Variants in UVRAG observed in about 807,000 individuals in gnomAD.
UVRAG encodes the protein UV radiation resistance-associated gene protein.
Under a neutral mutation model 78.0 loss-of-function variants are expected in UVRAG, and 19 were observed. The observed-to-expected ratio is 0.24, with a 90% confidence interval of 0.17 to 0.36. The LOEUF (loss-of-function observed/expected upper bound fraction) is 0.36. Ranked by LOEUF, UVRAG falls within the 10% of genes least tolerant of loss-of-function variation. The pLI, the probability that UVRAG is intolerant of heterozygous loss-of-function variation, is 1.00. For missense variants in UVRAG, 740 were observed against 853.8 expected, an observed-to-expected ratio of 0.87 and a Z score of 1.66; for synonymous variants, 323 against 324.6, an observed-to-expected ratio of 1.00 and a Z score of 0.05.
chr11:76,109,000 A>G (rs1008154597), intron 13 of UVRAG, among the ~76,000 whole-genome samples: 1 of 152,194 alleles, frequency 6.6e-6, no homozygotes, highest in African/African-American at 2.4e-5. Context: ...ATTGAAACCA[A>G]AATTCCACTT....
At chr11:75,894,647 GTCC>G (rs1947300394) in intron 5 of UVRAG, among the ~76,000 whole-genome samples, 2 of 151,680 alleles carry the variant, frequency 1.3e-5, no homozygotes, top group African/African-American at 4.8e-5. Context: ...CAAGTGATCC[GTCC>G]TCCTCAGCCT....
intron 1 of UVRAG, among the ~76,000 whole-genome samples, chr11:75,833,063 A>G (rs559962513): frequency 2.6e-5 from 4 of 152,152 alleles, no homozygotes; most frequent in Non-Finnish European, 4.4e-5. Flanking sequence ...GAATTTGGAC[A>G]TTATCCTGTA....
intron 13 of UVRAG, among the ~76,000 whole-genome samples, chr11:76,104,911 G>A (rs527684960): frequency 6.6e-6 from 1 of 152,054 alleles, no homozygotes; most frequent in Non-Finnish European, 1.5e-5. Context: ...AAGAATCCCT[G>A]CACTTATAAT....
At chr11:75,818,306 G>T (rs1050462591) in intron 1 of UVRAG, among the ~76,000 whole-genome samples, 6 of 151,932 alleles carry the variant, frequency 3.9e-5, no homozygotes, top group African/African-American at 1.5e-4. Context: ...GAGAGTCATG[G>T]AGTATCTGTG....
chr11:76,115,985 A>G lies in UVRAG; in HGVS notation c.1367A>G (p.Asn456Ser), dbSNP rs762191593. 9.3e-6 allele frequency: 15 copies of G among 1,613,724 alleles called. No individual in the cohort carries two copies. In the African/African-American group the frequency reaches 2.0e-4, roughly 22 times the overall value. The change falls in exon 14 of 15, where the codon AAC becomes AGC. Residue 456 changes from asparagine (N) to serine (S), a missense_variant. By Grantham distance (46) the Asn-to-Ser change is conservative. Coordinates refer to ENST00000356136, the MANE Select transcript of UVRAG (RefSeq NM_003369.4). ...CGGCAAACCCTTCCCAACCTGAAAA[A>G]CTTCATGGAGCATGGACTAATGGTC... ...DLRQTLPNLK[N>S]FMEHGLMVRC...
At chr11:76,131,332 A>C (rs1952509760) in intron 14 of UVRAG, among the ~76,000 whole-genome samples, 1 of 152,196 alleles carries the variant, frequency 6.6e-6, no homozygotes, top group Non-Finnish European at 1.5e-5. Context: ...GCTGGCCTCC[A>C]GATGGGCTCT....
At chr11:75,827,056 A>G (rs192876445) in intron 1 of UVRAG, among the ~76,000 whole-genome samples, 1 of 152,270 alleles carries the variant, frequency 6.6e-6, no homozygotes, top group Non-Finnish European at 1.5e-5. Context: ...GAAAATAATG[A>G]GGAACACCAG....
intron 13 of UVRAG, among the ~76,000 whole-genome samples, chr11:76,108,558 G>A (rs1459116650): frequency 6.6e-6 from 1 of 152,126 alleles, no homozygotes; most frequent in Non-Finnish European, 1.5e-5. Flanking sequence ...ACACAAAGTG[G>A]ATGTATAGTG....
chr11:76,141,132 G>T lies in UVRAG; in HGVS notation c.1819G>T (p.Gly607Trp), dbSNP rs755081537. 6.2e-7 allele frequency: 1 copy of T among 1,614,002 alleles called. No homozygotes were observed. Among genetic ancestry groups the T allele is most frequent in the African/African-American group, 1.3e-5 (1 of 74,918 alleles). The change falls in exon 15 of 15, where the codon GGG (glycine) becomes TGG (tryptophan). Residue 607 changes from glycine (G) to tryptophan (W), a missense_variant. Coordinates refer to ENST00000356136, the MANE Select transcript of UVRAG (RefSeq NM_003369.4). ...NGTLLPSEQA[G>W]SASVQLPGEF... is the part of the protein sequence containing the mutation. ...CACTCTCCTACCCAGCGAGCAGGCC[G>T]GGTCCGCCAGTGTCCAGCTTCCAGG...
rs139520450 is a variant in UVRAG at position 75,825,303 on chromosome 11, G to A, written c.117+9779G>A. On this transcript the variant is annotated intron_variant, in intron 1 of 14. Transcript: ENST00000356136. Reference sequence around the variant, plus strand: ...TAATTTTTGTATTTTTAGTAGAGACGGGTTTCACCACATTGGCCAGACTGA... The same window carrying A: ...TAATTTTTGTATTTTTAGTAGAGACAGGTTTCACCACATTGGCCAGACTGA... Among the ~76,000 whole-genome samples, 1,468 of 151,790 alleles carry A rather than the reference G, an allele frequency of 9.7e-3. 28 individuals carry two copies. Among genetic ancestry groups the A allele is most frequent in the African/African-American group, 0.034 (1,414 of 41,370 alleles).
intron 2 of UVRAG, among the ~76,000 whole-genome samples, chr11:75,853,671 A>G (rs1946212546): frequency 1.3e-5 from 2 of 151,686 alleles, no homozygotes; most frequent in Non-Finnish European, 2.9e-5. Context: ...TAAGGATGGG[A>G]AAAGGACTCT....
chr11:75,892,250 C>T (rs1332427618), intron 5 of UVRAG: 18 of 832,038 alleles, frequency 2.2e-5, no homozygotes, highest in Non-Finnish European at 2.6e-5. Context: ...TCTCTGAAGC[C>T]CAGCCATCAG....
intron 14 of UVRAG, 95 bp from the exon 15 acceptor site, chr11:76,140,616 C>T: frequency 2.5e-6 from 3 of 1,219,830 alleles, no homozygotes; most frequent in East Asian, 4.7e-5. Flanking sequence ...TTTATTAGCT[C>T]AGACCTAAGT....
intron 13 of UVRAG, among the ~76,000 whole-genome samples, chr11:76,115,125 T>C (rs1440156900): frequency 6.6e-6 from 1 of 152,158 alleles, no homozygotes; most frequent in East Asian, 1.9e-4. Flanking sequence ...AAGCAAATGG[T>C]GATACTCAGA....
At chr11:76,073,699 G>A (rs1309750782) in intron 13 of UVRAG, among the ~76,000 whole-genome samples, 2 of 152,126 alleles carry the variant, frequency 1.3e-5, no homozygotes, top group African/African-American at 4.8e-5. Context: ...AAGACCAATG[G>A]ATTTTAATGT....
intron 1 of UVRAG, among the ~76,000 whole-genome samples, chr11:75,829,439 ACTTT>A (rs1945605571): frequency 6.6e-6 from 1 of 152,346 alleles, no homozygotes; most frequent in Admixed American, 6.5e-5. Context: ...TAATTGAAAG[ACTTT>A]CTTAACTATG....
chr11:76,049,312 A>C (rs186292261), intron 12 of UVRAG, among the ~76,000 whole-genome samples: 16 of 152,350 alleles, frequency 1.1e-4, no homozygotes, highest in Admixed American at 1.0e-3. Flanking sequence ...AATAATGTAT[A>C]TAATATTGTT....
At chr11:75,837,095 C>CTGT in intron 1 of UVRAG, among the ~76,000 whole-genome samples, 1 of 151,794 alleles carries the variant, frequency 6.6e-6, no homozygotes, top group East Asian at 2.0e-4. Context: ...TTTGGGAGGC[C>CTGT]AAGGTGGGTG....
intron 7 of UVRAG, among the ~76,000 whole-genome samples, chr11:75,978,947 G>T (rs1949321518): frequency 6.6e-6 from 1 of 152,328 alleles, no homozygotes; most frequent in African/African-American, 2.4e-5. Flanking sequence ...AGGAGAAGAG[G>T]TGCTCTGATT....
Sources: allele counts gnomAD v4.1 joint callset (sites outside exome capture counted in the v4.1 genomes callset), GRCh38; gene constraint gnomAD v4.1.1; transcripts MANE v1.5; gene names NCBI Gene and HGNC (gene_info 2026-07-23, HGNC 2026-07-21).